CIRSR: variants seen among roughly 807,000 people sequenced by gnomAD.
CIRSR encodes the protein corepressor of RBPJ and splicing regulator.
the CIRSR span, among the ~76,000 whole-genome samples, chr2:174,388,818 G>A: frequency 6.6e-6 from 1 of 152,126 alleles, no homozygotes; most frequent in Admixed American, 6.6e-5. Context: ...CATGTGTCAT[G>A]GGAGGGACCC....
the CIRSR span, among the ~76,000 whole-genome samples, chr2:174,349,480 G>A: frequency 3.4e-5 from 5 of 149,008 alleles, no homozygotes; most frequent in African/African-American, 4.9e-5. Context: ...CAGAAGAATC[G>A]CTTGAACCCG....
chr2:174,391,454 G>C, the CIRSR span, among the ~76,000 whole-genome samples: 1 of 152,158 alleles, frequency 6.6e-6, no homozygotes, highest in Admixed American at 6.6e-5. Context: ...GCCAGGCGTG[G>C]TGGTGTGTAT....
At chr2:174,375,656 C>A in the CIRSR span, among the ~76,000 whole-genome samples, 2 of 152,148 alleles carry the variant, frequency 1.3e-5, no homozygotes, top group Non-Finnish European at 2.9e-5. Flanking sequence ...CACACTTGTG[C>A]CAATATTGGA....
chr2:174,384,607 T>A, the CIRSR span, among the ~76,000 whole-genome samples: 720 of 152,266 alleles, frequency 4.7e-3, 7 homozygotes, highest in African/African-American at 0.016. Context: ...GGGTTTTTTT[T>A]AGAGACAAAG....
chr2:174,354,703 TATATATA>T, the CIRSR span, among the ~76,000 whole-genome samples: 1 of 104,476 alleles, frequency 9.6e-6, no homozygotes, highest in East Asian at 2.3e-4. Flanking sequence ...ATACATATAT[TATATATA>T]ATATAATATA....
At chr2:174,354,538 A>G in the CIRSR span, among the ~76,000 whole-genome samples, 9 of 59,074 alleles carry the variant, frequency 1.5e-4, no homozygotes, top group African/African-American at 3.3e-4. Context: ...TATATTATAT[A>G]ATATATATTA....
At chr2:174,392,563 G>C in the CIRSR span, among the ~76,000 whole-genome samples, 764 of 152,224 alleles carry the variant, frequency 5.0e-3, 9 homozygotes, top group African/African-American at 0.016. Flanking sequence ...ATGAGGGTCT[G>C]AATTAAGACA....
At chr2:174,348,242 A>G in the CIRSR span, 1 of 408,776 alleles carries the variant, frequency 2.4e-6, no homozygotes, top group Non-Finnish European at 4.2e-6. Flanking sequence ...GGAACAAGAA[A>G]CAGTTACCAA....
At chr2:174,366,100 C>CT in the CIRSR span, among the ~76,000 whole-genome samples, 1 of 152,114 alleles carries the variant, frequency 6.6e-6, no homozygotes, top group Non-Finnish European at 1.5e-5. Context: ...TTTACAATGC[C>CT]TTTGACGGGC....
At chr2:174,383,800 T>C in the CIRSR span, among the ~76,000 whole-genome samples, 1 of 118,312 alleles carries the variant, frequency 8.5e-6, no homozygotes, top group East Asian at 2.1e-4. Context: ...GAAATGCAAA[T>C]CAAAATCACA....
the CIRSR span, chr2:174,370,079 G>T: frequency 7.5e-7 from 1 of 1,341,988 alleles, no homozygotes; most frequent in Non-Finnish European, 9.9e-7. Context: ...TTTCAGGGCT[G>T]GTTCATCCAC....
chr2:174,375,414 C>T, the CIRSR span, among the ~76,000 whole-genome samples: 3 of 152,116 alleles, frequency 2.0e-5, no homozygotes, highest in Admixed American at 1.3e-4. Flanking sequence ...TTGAGACCAG[C>T]CTGGGCAACA....
the CIRSR span, among the ~76,000 whole-genome samples, chr2:174,377,736 G>A: frequency 1.4e-5 from 2 of 144,684 alleles, no homozygotes; most frequent in African/African-American, 2.6e-5. Context: ...GAGGTGGGAA[G>A]AGAGCTTGAG....
chr2:174,373,821 T>C, the CIRSR span, among the ~76,000 whole-genome samples: 1 of 45,448 alleles, frequency 2.2e-5, no homozygotes, highest in Non-Finnish European at 5.7e-5. Flanking sequence ...TCCTCAATAC[T>C]ATCCCCCTGT....
the CIRSR span, among the ~76,000 whole-genome samples, chr2:174,364,602 T>A: frequency 6.6e-6 from 1 of 152,234 alleles, no homozygotes; most frequent in South Asian, 2.1e-4. Flanking sequence ...GGAGTCTCCA[T>A]ACATCTGAAA....
the CIRSR span, among the ~76,000 whole-genome samples, chr2:174,356,281 C>T: frequency 2.6e-5 from 4 of 151,986 alleles, no homozygotes; most frequent in Admixed American, 2.6e-4. Context: ...GCTTGGGCAA[C>T]ATGGTGAGAC....
the CIRSR span, among the ~76,000 whole-genome samples, chr2:174,370,554 T>C: frequency 6.6e-6 from 1 of 152,172 alleles, no homozygotes; most frequent in Non-Finnish European, 1.5e-5. Flanking sequence ...CCCTTGTGGG[T>C]TAGAAACTTT....
At chr2:174,372,070 C>A in the CIRSR span, among the ~76,000 whole-genome samples, 1 of 152,070 alleles carries the variant, frequency 6.6e-6, no homozygotes, top group Non-Finnish European at 1.5e-5. Context: ...CTATTTCATA[C>A]AGAATTTTGA....
chr2:174,359,121 T>C, the CIRSR span, among the ~76,000 whole-genome samples: 10 of 150,450 alleles, frequency 6.6e-5, no homozygotes, highest in African/African-American at 2.5e-4. Flanking sequence ...TACTGTATGA[T>C]TTCACTTATA....
Sources: allele counts gnomAD v4.1 joint callset (sites outside exome capture counted in the v4.1 genomes callset), GRCh38; gene constraint gnomAD v4.1.1; transcripts MANE v1.5; gene names NCBI Gene and HGNC (gene_info 2026-07-23, HGNC 2026-07-21).